The following TMEFF2 variants were observed in gnomAD, a reference collection of about 807,000 sequenced individuals.
TMEFF2 encodes the protein transmembrane protein with EGF like and two follistatin like domains 2.
TMEFF2 carries 28 observed loss-of-function variants against 53.8 expected under a neutral mutation model. The ratio of observed to expected loss-of-function variants is 0.52; its 90% CI spans 0.39 to 0.71. TMEFF2 has a LOEUF of 0.71. TMEFF2 is among the 30% of genes least tolerant of loss of function. The pLI, the probability that TMEFF2 is intolerant of heterozygous loss-of-function variation, is 0.00. For synonymous variants in TMEFF2, 162 were observed against 166.3 expected, an observed-to-expected ratio of 0.97 and a Z score of 0.20; for missense variants, 353 against 455.2, an observed-to-expected ratio of 0.78 and a Z score of 2.04.
intron 4 of TMEFF2, chr2:192,176,824 G>A (rs1156897913): frequency 6.6e-6 from 1 of 150,704 alleles, no homozygotes; most frequent in Non-Finnish European, 1.5e-5. Flanking sequence ...ATTCATTCAC[G>A]CTAAAATATA....
intron 4 of TMEFF2, among the ~76,000 whole-genome samples, chr2:192,166,748 C>T (rs186272512): frequency 6.6e-6 from 1 of 151,942 alleles, no homozygotes; most frequent in Non-Finnish European, 1.5e-5. Flanking sequence ...GCAGAGTTTC[C>T]CAAAGTGTGT....
Position 192,184,346 on chromosome 2 carries a change from A to G in TMEFF2, c.412+8T>C. ...TGCAGAAGGTTTCAAAGAAGATCAC[A>G]CACATACCTGTGGCACATGATCCTT... On this transcript the variant is annotated splice_region_variant and intron_variant, in intron 3 of 9. Transcript: ENST00000272771. 2 of 1,612,978 alleles carry G rather than the reference A, an allele frequency of 1.2e-6. No individual in the cohort carries two copies. The highest frequency in any genetic ancestry group is 1.7e-6 in the Non-Finnish European group (2 of 1,179,254).
At chr2:192,151,414 A>G (rs1224776838) in intron 4 of TMEFF2, among the ~76,000 whole-genome samples, 2 of 151,904 alleles carry the variant, frequency 1.3e-5, no homozygotes, top group Non-Finnish European at 2.9e-5. Flanking sequence ...TGTAGTATGT[A>G]TAACTGTTTA....
intron 4 of TMEFF2, among the ~76,000 whole-genome samples, chr2:192,143,268 A>G (rs1690178621): frequency 6.6e-6 from 1 of 152,108 alleles, no homozygotes; most frequent in African/African-American, 2.4e-5. Flanking sequence ...TAATGTTAGC[A>G]GCAGAACTGG....
intron 4 of TMEFF2, among the ~76,000 whole-genome samples, chr2:192,112,810 T>C (rs1689315890): frequency 6.6e-6 from 1 of 152,138 alleles, no homozygotes; most frequent in Non-Finnish European, 1.5e-5. Flanking sequence ...GTTCTCATGG[T>C]AGTGAATAAG....
At chr2:192,005,081 G>T (rs537190422) in intron 5 of TMEFF2, among the ~76,000 whole-genome samples, 15 of 152,140 alleles carry the variant, frequency 9.9e-5, no homozygotes, top group South Asian at 8.3e-4. Context: ...GTCTGTATGT[G>T]GTAATACTAC....
At chr2:192,180,605 T>C (rs532522570) in intron 3 of TMEFF2, among the ~76,000 whole-genome samples, 60 of 151,892 alleles carry the variant, frequency 4.0e-4, no homozygotes, top group African/African-American at 1.4e-3. Flanking sequence ...TGTGCCCTTA[T>C]TCCACAGTGA....
At chr2:192,008,779 A>G (rs80013191) in intron 5 of TMEFF2, among the ~76,000 whole-genome samples, 2,303 of 152,332 alleles carry the variant, frequency 0.015, 43 homozygotes, top group African/African-American at 0.043. Flanking sequence ...CCCAAGCGCC[A>G]GGATTCCCAC....
intron 5 of TMEFF2, among the ~76,000 whole-genome samples, chr2:192,005,992 G>A (rs1396682472): frequency 6.6e-6 from 1 of 151,428 alleles, no homozygotes; most frequent in African/African-American, 2.4e-5. Flanking sequence ...GTATTCAAAG[G>A]GTAGAAAAGC....
At chr2:192,052,338 T>C (rs1174403334) in intron 5 of TMEFF2, among the ~76,000 whole-genome samples, 1 of 152,200 alleles carries the variant, frequency 6.6e-6, no homozygotes, top group Non-Finnish European at 1.5e-5. Context: ...TATGTATATG[T>C]ATATTAAATC....
intron 5 of TMEFF2, chr2:192,036,246 A>G (rs956179808): frequency 6.6e-6 from 1 of 152,254 alleles, no homozygotes; most frequent in Non-Finnish European, 1.5e-5. Context: ...TTGCATATCC[A>G]TATTTCCAGA....
chr2:192,059,135 GGATTT>G (rs1303958412), intron 4 of TMEFF2, among the ~76,000 whole-genome samples: 1 of 151,140 alleles, frequency 6.6e-6, no homozygotes, highest in African/African-American at 2.5e-5. Context: ...AAAGGTGGAG[GGATTT>G]ATTTTTTCTA....
intron 4 of TMEFF2, among the ~76,000 whole-genome samples, chr2:192,159,272 A>AG (rs913472203): frequency 8.5e-5 from 13 of 152,068 alleles, no homozygotes; most frequent in African/African-American, 1.7e-4. Flanking sequence ...GAGAGTGTTG[A>AG]GGGGGGGATC....
At chr2:191,964,922 C>G (rs1420524750) in intron 7 of TMEFF2, among the ~76,000 whole-genome samples, 1 of 152,140 alleles carries the variant, frequency 6.6e-6, no homozygotes. Context: ...TTCCATGATA[C>G]CACCCAGTTC....
intron 4 of TMEFF2, among the ~76,000 whole-genome samples, chr2:192,075,285 T>TTATATATATATAAATATATATA: frequency 1.5e-5 from 1 of 65,758 alleles, no homozygotes; most frequent in East Asian, 2.1e-3. Flanking sequence ...TACAGTACTA[T>TTATATATATATAAATATATATA]TATATATATA....
chr2:192,004,326 A>ATGCCCC (rs1686446477), intron 5 of TMEFF2, among the ~76,000 whole-genome samples: 1 of 152,242 alleles, frequency 6.6e-6, no homozygotes, highest in Non-Finnish European at 1.5e-5. Context: ...GATGGCATCA[A>ATGCCCC]AGTCCAACTG....
intron 5 of TMEFF2, chr2:192,036,054 C>T (rs1455985646): frequency 6.6e-6 from 1 of 152,220 alleles, no homozygotes. Flanking sequence ...ACTCCAAATA[C>T]AAGAGGATAC....
rs530163856 is a variant in TMEFF2, at chr2:192,194,026, T to C, written c.172+327A>G. Among the ~76,000 whole-genome samples the C allele has an allele frequency of 1.3e-5, 2 of 152,328 alleles. No individual in the cohort carries two copies. Among genetic ancestry groups the C allele is most frequent in the African/African-American group, 4.8e-5 (2 of 41,576 alleles). On this transcript the variant is annotated intron_variant, in intron 1 of 9. Coordinates refer to ENST00000272771, the MANE Select transcript of TMEFF2 (RefSeq NM_016192.4). The surrounding 1 kb of genome is among the most constrained non-coding windows in gnomAD (Gnocchi z 4.2). ...ATGACAAAGCTTCTGTTTCAGTGTT[T>C]CCCCTAGGATTGGTGCTCTTTCAAA...
At chr2:192,169,756 C>T (rs1298373260) in intron 4 of TMEFF2, among the ~76,000 whole-genome samples, 1 of 151,928 alleles carries the variant, frequency 6.6e-6, no homozygotes, top group Non-Finnish European at 1.5e-5. Context: ...ATGGAAAATC[C>T]ACAGAGTGTG....
Sources: gnomAD v4.1 joint callset for allele counts (sites outside exome capture counted in the v4.1 genomes callset) on GRCh38, gnomAD v4.1.1 for gene constraint, Gnocchi (gnomAD v3.1) non-coding constraint, MANE v1.5 for transcripts, NCBI Gene and HGNC (gene_info 2026-07-23, HGNC 2026-07-21) for gene names.